The following DOCK7 variants were observed in gnomAD, a reference collection of about 807,000 sequenced individuals.
DOCK7 encodes dedicator of cytokinesis protein 7.
A neutral mutation model predicts 271.0 loss-of-function variants in DOCK7; 138 were observed. The observed-to-expected ratio is 0.51, with a 90% CI of 0.44 to 0.59. DOCK7 has a LOEUF of 0.59. Among genes scored for constraint, DOCK7 ranks in the 20% least tolerant of loss-of-function variants. The pLI, the probability that DOCK7 is intolerant of heterozygous loss-of-function variation, is 0.00. For synonymous variants in DOCK7, 823 were observed against 876.1 expected, an observed-to-expected ratio of 0.94 and a Z score of 1.07; for missense variants, 2,066 against 2,592.4, an observed-to-expected ratio of 0.80 and a Z score of 4.41.
chr1:62,529,540 T>C (rs1374362854), intron 29 of DOCK7, 94 bp from the exon 30 acceptor site: 7 of 964,374 alleles, frequency 7.3e-6, no homozygotes, highest in Non-Finnish European at 1.0e-5. Context: ...TGGTATTGAA[T>C]AAATTTTGTT....
At chr1:62,534,629 A>AAAAC (rs760540977) in intron 29 of DOCK7, among the ~76,000 whole-genome samples, 18 of 152,270 alleles carry the variant, frequency 1.2e-4, no homozygotes, top group Non-Finnish European at 2.2e-4. Context: ...TCAAAAAAAC[A>AAAAC]AAACAAACAA....
At chr1:62,566,527 C>A (rs955658491) in intron 18 of DOCK7, among the ~76,000 whole-genome samples, 2 of 152,100 alleles carry the variant, frequency 1.3e-5, no homozygotes, top group Non-Finnish European at 2.9e-5. Flanking sequence ...CTTCCTTACA[C>A]CTTAAACAAA....
intron 2 of DOCK7, among the ~76,000 whole-genome samples, chr1:62,662,305 T>C (rs1374205297): frequency 2.0e-5 from 3 of 152,142 alleles, no homozygotes; most frequent in Admixed American, 2.0e-4. Flanking sequence ...TAAGAGAACA[T>C]TTATGTCTCT....
At chr1:62,611,929 G>A (rs1651838689) in intron 14 of DOCK7, among the ~76,000 whole-genome samples, 1 of 151,406 alleles carries the variant, frequency 6.6e-6, no homozygotes, top group South Asian at 2.1e-4. Flanking sequence ...CGGATCACCT[G>A]AGGTCAGGAG....
At chr1:62,636,026 G>A (rs1238643161) in intron 8 of DOCK7, among the ~76,000 whole-genome samples, 1 of 152,186 alleles carries the variant, frequency 6.6e-6, no homozygotes, top group Non-Finnish European at 1.5e-5. Flanking sequence ...GCCAAGATGG[G>A]CGGATCACGA....
intron 2 of DOCK7, among the ~76,000 whole-genome samples, chr1:62,660,301 A>C (rs1436980205): frequency 6.6e-6 from 1 of 152,232 alleles, no homozygotes; most frequent in African/African-American, 2.4e-5. Flanking sequence ...TTAGAAATTA[A>C]ACATACTTCT....
intron 21 of DOCK7, among the ~76,000 whole-genome samples, chr1:62,554,299 C>A (rs1199297659): frequency 6.6e-6 from 1 of 151,648 alleles, no homozygotes; most frequent in African/African-American, 2.4e-5. Flanking sequence ...AGTGAAACCC[C>A]GTCTCTACTA....
In DOCK7 at chr1:62,542,611, T is replaced by C. The variant is rs560453125; in HGVS notation, c.3042A>G (p.Leu1014=). Reference sequence around the variant, plus strand: ...AACATGCTCAGTTTTTGCTCACCATTAATTCAAAAAAGAACCAGGCTTGTT... The same window carrying C: ...AACATGCTCAGTTTTTGCTCACCATCAATTCAAAAAAGAACCAGGCTTGTT... ...ALQQAWFFFE[L]MVKSMVHHLY... The change falls in exon 25 of 50, where the codon TTA becomes TTG. Residue 1014 remains leucine (L), a synonymous_variant. Transcript: ENST00000635253. The C allele has an allele frequency of 1.2e-6, 2 of 1,611,080 alleles. No individual in the cohort carries two copies. The highest frequency in any genetic ancestry group is 3.3e-5 in the Admixed American group (2 of 59,716).
At chr1:62,508,735 C>G (rs901465891) in intron 34 of DOCK7, among the ~76,000 whole-genome samples, 10 of 151,394 alleles carry the variant, frequency 6.6e-5, no homozygotes, top group Non-Finnish European at 1.0e-4. Flanking sequence ...CTCAATAAAG[C>G]TAGAAAAATA....
At chr1:62,605,251 T>G in intron 14 of DOCK7, 1 of 159,912 alleles carries the variant, frequency 6.3e-6, no homozygotes, top group Non-Finnish European at 1.4e-5. Flanking sequence ...AATTGTACAG[T>G]TCTTAAATGT....
At chr1:62,622,129 C>T (rs1385330995) in intron 12 of DOCK7, among the ~76,000 whole-genome samples, 2 of 152,186 alleles carry the variant, frequency 1.3e-5, no homozygotes, top group Non-Finnish European at 2.9e-5. Context: ...GCTATGAGCA[C>T]ATGACCAAGC....
chr1:62,652,617 A>G (rs1218436303), intron 4 of DOCK7, among the ~76,000 whole-genome samples: 1 of 152,156 alleles, frequency 6.6e-6, no homozygotes, highest in African/African-American at 2.4e-5. Context: ...TGCCTAAACC[A>G]AGGTTAACAA....
At chr1:62,598,711 C>T in intron 14 of DOCK7, 2 of 1,607,834 alleles carry the variant, frequency 1.2e-6, no homozygotes, top group Non-Finnish European at 1.7e-6. Context: ...TGTAGAAAAA[C>T]AAGATAATAG....
intron 20 of DOCK7, among the ~76,000 whole-genome samples, chr1:62,558,572 G>A (rs1426896068): frequency 6.6e-6 from 1 of 152,120 alleles, no homozygotes; most frequent in African/African-American, 2.4e-5. Flanking sequence ...GCTACATTAA[G>A]CGGAGGATAG....
chr1:62,650,541 C>A (rs1293559633), intron 4 of DOCK7, among the ~76,000 whole-genome samples: 1 of 152,060 alleles, frequency 6.6e-6, no homozygotes, highest in Non-Finnish European at 1.5e-5. Context: ...TTGCAATCTA[C>A]TCATCTGACA....
chr1:62,561,690 C>A lies in DOCK7; in HGVS notation c.2126G>T (p.Gly709Val). The A allele has an allele frequency of 6.4e-7, 1 of 1,571,360 alleles. No individual in the cohort carries two copies. Among genetic ancestry groups the A allele is most frequent in the Non-Finnish European group, 8.6e-7 (1 of 1,163,842 alleles). The part of the protein sequence containing the change: ...SVLSPEVPLP[G>V]MKWVDNHKGV... The stretch of plus-strand genomic sequence containing the variant: ...TTTGTGATTATCTACCCATTTCATG[C>A]CAGGTAGAGGAACCTGTAAGATATT... The change falls in exon 19 of 50, where the codon GGC (glycine) becomes GTC (valine). Residue 709 changes from glycine (G) to valine (V), a missense_variant. Coordinates refer to ENST00000635253, the MANE Select transcript of DOCK7 (RefSeq NM_001367561.1).
At chr1:62,638,200 T>C (rs1655514445) in intron 7 of DOCK7, 1 of 152,180 alleles carries the variant, frequency 6.6e-6, no homozygotes, top group African/African-American at 2.4e-5. Context: ...TCTTTATGCA[T>C]TCTAGAAATG....
chr1:62,642,918 TAAGAA>T (rs1429513780), intron 7 of DOCK7, among the ~76,000 whole-genome samples: 3 of 152,344 alleles, frequency 2.0e-5, no homozygotes, highest in Admixed American at 6.5e-5. Flanking sequence ...ATCCTCCCAT[TAAGAA>T]AAGTCTATTT....
Position 62,529,207 on chromosome 1 carries a change from T to C in DOCK7, c.3781+70A>G. 2.2e-6 allele frequency: 3 copies of C among 1,384,494 alleles called. No individual in the cohort carries two copies. In the South Asian group the frequency reaches 5.1e-5, roughly 24 times the overall value. The allele number at this position is 1,384,494 out of a possible 1,614,324, so 85.8% of individuals were successfully genotyped here. ...TTTTCCTAAAATAAGATCTTCATCC[T>C]TGAGATATTTTCTAACACTTTTAAA... On this transcript the variant is annotated intron_variant, in intron 30 of 49. Transcript: ENST00000635253.
Sources: allele counts gnomAD v4.1 joint callset (sites outside exome capture counted in the v4.1 genomes callset), GRCh38; gene constraint gnomAD v4.1.1; transcripts MANE v1.5; gene names NCBI Gene and HGNC (gene_info 2026-07-23, HGNC 2026-07-21).